The following PRSS38 variants were observed in gnomAD, a reference collection of about 807,000 sequenced individuals.
The protein encoded by PRSS38 is marapsin 2.
PRSS38 carries 22 observed loss-of-function variants against 26.8 expected under a neutral mutation model. The ratio of observed to expected loss-of-function variants is 0.82; its 90% CI spans 0.59 to 1.17. The LOEUF is 1.17. Among genes scored for constraint, PRSS38 ranks in the 50% most tolerant of loss-of-function variants. The pLI, the probability that PRSS38 is intolerant of heterozygous loss-of-function variation, is 0.00. For missense variants in PRSS38, 427 were observed against 422.7 expected, an observed-to-expected ratio of 1.01 and a Z score of -0.09; for synonymous variants, 175 against 172.1, an observed-to-expected ratio of 1.02 and a Z score of -0.13.
Position 227,815,851 on chromosome 1 carries a change from A to G in PRSS38, c.135A>G (p.Leu45=), listed in dbSNP as rs757606664. The G allele has an allele frequency of 3.7e-6, 6 of 1,607,260 alleles. No individual in the cohort carries two copies. In the Admixed American group the frequency reaches 1.0e-4, roughly 27 times the overall value. The change falls in exon 1 of 5, where the codon CTA becomes CTG. Residue 45 remains leucine (L), a synonymous_variant. Coordinates refer to ENST00000366757, the Ensembl canonical transcript of PRSS38. Reference sequence around the variant, plus strand: ...AGCCAGAGAACCAGGGAATCTCCCTAACTGGCAGCGTGGGTAGGCCCTGCC... The same window carrying G: ...AGCCAGAGAACCAGGGAATCTCCCTGACTGGCAGCGTGGGTAGGCCCTGCC...
intron 3 of PRSS38, among the ~76,000 whole-genome samples, chr1:227,837,657 T>C (rs1319767472): frequency 6.6e-6 from 1 of 152,190 alleles, no homozygotes; most frequent in Non-Finnish European, 1.5e-5. Context: ...TTCAACTTTA[T>C]TGGAAACTGC....
intron 3 of PRSS38, among the ~76,000 whole-genome samples, chr1:227,837,167 A>G (rs1665249557): frequency 6.6e-6 from 1 of 152,134 alleles, no homozygotes. Context: ...GTTTTTACTC[A>G]TGAATAGTCC....
intron 3 of PRSS38, among the ~76,000 whole-genome samples, chr1:227,835,549 C>T (rs912887261): frequency 2.6e-5 from 4 of 152,088 alleles, no homozygotes; most frequent in African/African-American, 7.2e-5. Flanking sequence ...TTCACGTAGC[C>T]AAAAGGTGGA....
chr1:227,820,143 C>T (rs1005749149), intron 3 of PRSS38, among the ~76,000 whole-genome samples: 6 of 146,972 alleles, frequency 4.1e-5, no homozygotes, highest in African/African-American at 1.5e-4. Flanking sequence ...TATGTGTTGG[C>T]CTTATACCCT....
intron 3 of PRSS38, among the ~76,000 whole-genome samples, chr1:227,831,562 T>C (rs1558235308): frequency 6.6e-6 from 1 of 152,182 alleles, no homozygotes. Context: ...TATATCCTTA[T>C]TGGTTTTCTG....
At chr1:227,823,111 A>G (rs1309376228) in intron 3 of PRSS38, among the ~76,000 whole-genome samples, 2 of 151,832 alleles carry the variant, frequency 1.3e-5, no homozygotes, top group Non-Finnish European at 2.9e-5. Context: ...TACCTTGCTG[A>G]GTCTCCAATG....
At chr1:227,827,481 T>C (rs1001783665) in intron 3 of PRSS38, among the ~76,000 whole-genome samples, 9 of 152,118 alleles carry the variant, frequency 5.9e-5, no homozygotes, top group African/African-American at 2.2e-4. Flanking sequence ...TGCATAGAAG[T>C]GTTTATAGTG....
At chr1:227,817,123 C>A (rs1664931410) in intron 2 of PRSS38, 86 bp from the exon 3 acceptor site, 1 of 1,405,764 alleles carries the variant, frequency 7.1e-7, no homozygotes, top group Non-Finnish European at 9.8e-7. Flanking sequence ...GAGTGAGTGC[C>A]AGCCCCTTGC....
intron 3 of PRSS38, among the ~76,000 whole-genome samples, chr1:227,833,095 G>A (rs979254166): frequency 2.0e-5 from 3 of 152,066 alleles, no homozygotes; most frequent in East Asian, 1.9e-4. Context: ...ATATTGTTAC[G>A]ATGACAATAT....
intron 3 of PRSS38, among the ~76,000 whole-genome samples, chr1:227,828,207 A>C: frequency 6.6e-6 from 1 of 152,154 alleles, no homozygotes. Context: ...TATTAGGTCC[A>C]CTTGATCCAG....
intron 3 of PRSS38, 113 bp from the exon 4 acceptor site, chr1:227,845,357 T>A: frequency 1.4e-6 from 1 of 702,996 alleles, no homozygotes; most frequent in East Asian, 2.7e-5. Flanking sequence ...CCTTCCTACG[T>A]ATAGTGGGGC....
chr1:227,821,743 T>C (rs945411325), intron 3 of PRSS38, among the ~76,000 whole-genome samples: 34 of 152,212 alleles, frequency 2.2e-4, no homozygotes, highest in African/African-American at 7.7e-4. Flanking sequence ...TAGACACTTC[T>C]CTCTTGCTCA....
chr1:227,818,726 AT>A (rs1389849091), intron 3 of PRSS38, among the ~76,000 whole-genome samples: 3 of 150,514 alleles, frequency 2.0e-5, no homozygotes, highest in Admixed American at 6.6e-5. Context: ...TGGGTCTAGA[AT>A]TTTTTTTCTT....
intron 3 of PRSS38, among the ~76,000 whole-genome samples, chr1:227,819,542 A>G (rs1281786821): frequency 6.6e-6 from 1 of 152,210 alleles, no homozygotes. Context: ...AATTGCATTG[A>G]ATATTCAGAC....
intron 3 of PRSS38, among the ~76,000 whole-genome samples, chr1:227,829,099 C>T (rs1397921733): frequency 6.6e-6 from 1 of 152,162 alleles, no homozygotes; most frequent in Non-Finnish European, 1.5e-5. Flanking sequence ...TATGGGTGGA[C>T]CTGTTTGCCT....
Position 227,816,342 on chromosome 1 carries a change from C to G in PRSS38, c.311+90C>G. On this transcript the variant is annotated intron_variant, in intron 2 of 4. Coordinates refer to ENST00000366757, the Ensembl canonical transcript of PRSS38. The surrounding 1 kb of genome is among the most constrained non-coding windows in gnomAD (Gnocchi z 5.1). ...TGGATGGACCCCACGCAAGCCTCCC[C>G]CATCACCATTGTCGACTCCCTTCAC... 3 of 1,378,972 alleles carry G rather than the reference C, an allele frequency of 2.2e-6. No individual in the cohort carries two copies. Among genetic ancestry groups the G allele is most frequent in the Non-Finnish European group, 3.0e-6 (3 of 1,001,856 alleles). 85.4% of individuals were successfully genotyped at this position (1,378,972 alleles called of 1,614,324 possible).
intron 3 of PRSS38, 102 bp downstream of exon 3, chr1:227,817,582 C>A: frequency 8.9e-7 from 1 of 1,123,584 alleles, no homozygotes; most frequent in Non-Finnish European, 1.3e-6. Context: ...TGTTTGGGGA[C>A]TGGAATCCCC....
At chr1:227,834,202 C>T (rs6426479) in intron 3 of PRSS38, among the ~76,000 whole-genome samples, 144,426 of 152,246 alleles carry the variant, frequency 0.95, 68,584 homozygotes, top group East Asian at 1. Context: ...GACACCTTAA[C>T]GTCAGACTTC....
intron 3 of PRSS38, among the ~76,000 whole-genome samples, chr1:227,820,837 C>T (rs1664993042): frequency 6.6e-6 from 1 of 152,052 alleles, no homozygotes; most frequent in South Asian, 2.1e-4. Flanking sequence ...ACCAGTGAAG[C>T]CATCTGGTCC....
Sources: gnomAD v4.1 joint callset for allele counts (sites outside exome capture counted in the v4.1 genomes callset) on GRCh38, gnomAD v4.1.1 for gene constraint, Gnocchi (gnomAD v3.1) non-coding constraint, MANE v1.5 for transcripts, NCBI Gene and HGNC (gene_info 2026-07-23, HGNC 2026-07-21) for gene names.